The following STRAP variants were observed in gnomAD, a reference collection of about 807,000 sequenced individuals.
The protein encoded by STRAP is serine-threonine kinase receptor-associated protein.
Under a neutral mutation model 47.0 loss-of-function variants are expected in STRAP, and 16 were observed. That is an observed-to-expected ratio of 0.34 (90% CI 0.23 to 0.52). The LOEUF (loss-of-function observed/expected upper bound fraction) is 0.52. Among genes scored for constraint, STRAP ranks in the 20% least tolerant of loss-of-function variants. The pLI is 0.96. For synonymous variants in STRAP, 130 were observed against 142.7 expected, an observed-to-expected ratio of 0.91 and a Z score of 0.63; for missense variants, 293 against 420.0, an observed-to-expected ratio of 0.70 and a Z score of 2.64.
rs764293670 is a variant in STRAP at position 15,890,692 on chromosome 12, C to G, written c.403+23C>G. 1 of 1,551,320 alleles carries G rather than the reference C, an allele frequency of 6.4e-7. No homozygotes were observed. Among genetic ancestry groups the G allele is most frequent in the East Asian group, 2.3e-5 (1 of 44,204 alleles). On this transcript the variant is annotated intron_variant, in intron 4 of 9. Coordinates refer to ENST00000419869, the MANE Select transcript of STRAP (RefSeq NM_007178.4). This position sits in a 1 kb window ranked among gnomAD's most constrained non-coding sequence, Gnocchi z 4.5. ...CAGGTAAGCATAATTTAAACATCAGCTTCTAGTTTTATTTTCTTTTAATTT... is the reference window on the plus strand; with the variant it reads ...CAGGTAAGCATAATTTAAACATCAGGTTCTAGTTTTATTTTCTTTTAATTT...
At chr12:15,898,694 C>T (rs891211494) in intron 7 of STRAP, among the ~76,000 whole-genome samples, 1 of 152,110 alleles carries the variant, frequency 6.6e-6, no homozygotes, top group Non-Finnish European at 1.5e-5. Flanking sequence ...ATGTGGTTCT[C>T]AGTATCTACT....
chr12:15,895,664 A>G (rs961394404), intron 6 of STRAP, among the ~76,000 whole-genome samples, 168 bp downstream of exon 6: 2 of 151,500 alleles, frequency 1.3e-5, no homozygotes, highest in African/African-American at 4.8e-5. Context: ...ATGGCTTGAG[A>G]TCAGCCTGGG....
intron 6 of STRAP, among the ~76,000 whole-genome samples, chr12:15,897,522 G>A (rs879771095): frequency 2.0e-5 from 3 of 151,988 alleles, no homozygotes; most frequent in Admixed American, 6.6e-5. Context: ...GATAATATGT[G>A]GTTGTAGAAA....
chr12:15,898,551 AT>A (rs1261915060), intron 7 of STRAP, among the ~76,000 whole-genome samples: 2 of 152,054 alleles, frequency 1.3e-5, no homozygotes, highest in Non-Finnish European at 2.9e-5. Flanking sequence ...CTTTTTATTT[AT>A]TCTGTTTTGG....
At chr12:15,893,398 TTAA>T (rs1448801227) in intron 4 of STRAP, among the ~76,000 whole-genome samples, 9 of 148,066 alleles carry the variant, frequency 6.1e-5, no homozygotes, top group Non-Finnish European at 1.3e-4. Flanking sequence ...AATTATTTTA[TTAA>T]TAATATAATA....
chr12:15,883,674 A>T lies in STRAP; in HGVS notation c.246A>T (p.Thr82=). ...TKAATAAADF[T]AKVWDAVSGD... ...CAGCTACAGCAGCTGCAGATTTCACAGCGTAAGTGTAGCCAAGATGGCTAA... is the reference window on the plus strand; with the variant it reads ...CAGCTACAGCAGCTGCAGATTTCACTGCGTAAGTGTAGCCAAGATGGCTAA... The change falls in exon 2 of 10, where the codon ACA becomes ACT. Residue 82 remains threonine, a splice_region_variant and synonymous_variant. Coordinates refer to ENST00000419869, the MANE Select transcript of STRAP (RefSeq NM_007178.4). 1 of 1,614,090 alleles carries T rather than the reference A, an allele frequency of 6.2e-7. No individual in the cohort carries two copies. Among genetic ancestry groups the T allele is most frequent in the Non-Finnish European group, 8.5e-7 (1 of 1,179,998 alleles).
At chr12:15,889,396 G>A (rs998807752) in intron 2 of STRAP, among the ~76,000 whole-genome samples, 3 of 151,912 alleles carry the variant, frequency 2.0e-5, no homozygotes, top group South Asian at 2.1e-4. Flanking sequence ...GAGATGAAGT[G>A]GACATTGTCT....
intron 2 of STRAP, among the ~76,000 whole-genome samples, chr12:15,888,639 C>A (rs1266249083): frequency 6.6e-6 from 1 of 152,074 alleles, no homozygotes; most frequent in Non-Finnish European, 1.5e-5. Context: ...TCTTTTTCCC[C>A]TGATATATTT....
rs1200800546 is a variant in STRAP at position 15,890,975 on chromosome 12, G to A, written c.403+306G>A. Among the ~76,000 whole-genome samples the A allele has an allele frequency of 4.6e-5, 7 of 151,986 alleles. No individual in the cohort carries two copies. Among genetic ancestry groups the A allele is most frequent in the Admixed American group, 3.3e-4 (5 of 15,286 alleles). The stretch of plus-strand genomic sequence containing the variant: ...CTTGGGAGGCTGAGGCAGGAGAATC[G>A]CTTGAACCCGGGAGGTGGAGGTTGC... On this transcript the variant is annotated intron_variant, in intron 4 of 9. Transcript: ENST00000419869. This position sits in a 1 kb window ranked among gnomAD's most constrained non-coding sequence, Gnocchi z 4.5.
At chr12:15,889,802 A>G in intron 2 of STRAP, 126 bp from the exon 3 acceptor site, 1 of 662,474 alleles carries the variant, frequency 1.5e-6, no homozygotes, top group Non-Finnish European at 2.6e-6. Context: ...AAGGAGATTT[A>G]TAATACATTT....
Position 15,882,670 on chromosome 12 carries a change from C to T in STRAP, c.-38C>T, listed in dbSNP as rs1947931804. On this transcript the variant is annotated 5_prime_UTR_variant, in exon 1 of 10. Transcript: ENST00000419869. ...GAAGAGAGAAAAGACAACGACGACC[C>T]TCAGCTCGCCAGTCCGGTCGCTGGC... The T allele has an allele frequency of 6.4e-7, 1 of 1,561,668 alleles. No individual in the cohort carries two copies. Among genetic ancestry groups the T allele is most frequent in the South Asian group, 1.1e-5 (1 of 88,080 alleles).
chr12:15,883,810 C>A, intron 2 of STRAP, 134 bp downstream of exon 2: 2 of 1,235,690 alleles, frequency 1.6e-6, no homozygotes, highest in Non-Finnish European at 2.2e-6. Flanking sequence ...TTGATCCCAC[C>A]AAAATTCCAT....
rs551450220 is a variant in STRAP, at chr12:15,890,147, TTTGA to T, written c.330+142_330+145del. On this transcript the variant is annotated intron_variant, in intron 3 of 9. Transcript: ENST00000419869. This position sits in a 1 kb window ranked among gnomAD's most constrained non-coding sequence, Gnocchi z 4.5. ...TTGTTATTTCTTGGTTCATATTTGA[TTTGA>T]TTGTGTATTAAGCTCTATGAATTTG... 174 of 831,332 alleles carry T rather than the reference TTTGA, an allele frequency of 2.1e-4. No homozygotes were observed. The African/African-American group carries it at 2.4e-3, about 11-fold the overall frequency. The allele number at this position is 831,332 out of a possible 1,614,324, so 51.5% of individuals were successfully genotyped here. A position where few individuals can be genotyped will look rare whatever the true frequency, so the allele number is the denominator to read the frequency against.
In STRAP at chr12:15,894,183, G is replaced by T. The variant is rs1275054186; in HGVS notation, c.500+40G>T. The T allele has an allele frequency of 6.5e-7, 1 of 1,527,614 alleles. No homozygotes were observed. Among genetic ancestry groups the T allele is most frequent in the South Asian group, 1.1e-5 (1 of 89,062 alleles). 94.6% of individuals were successfully genotyped at this position (1,527,614 alleles called of 1,614,324 possible). ...TTTAATAATTTACAATTTAAGGCCGGGCATGGTGGCTCACGCCTATAATCT... is the reference window on the plus strand; with the variant it reads ...TTTAATAATTTACAATTTAAGGCCGTGCATGGTGGCTCACGCCTATAATCT... On this transcript the variant is annotated intron_variant, in intron 5 of 9. Coordinates refer to ENST00000419869, the MANE Select transcript of STRAP (RefSeq NM_007178.4). This position sits in a 1 kb window ranked among gnomAD's most constrained non-coding sequence, Gnocchi z 4.9.
At chr12:15,888,787 C>T (rs1463316164) in intron 2 of STRAP, among the ~76,000 whole-genome samples, 5 of 152,026 alleles carry the variant, frequency 3.3e-5, no homozygotes, top group South Asian at 2.1e-4. Context: ...GCATGTTTTT[C>T]TCCTCAGCTA....
In STRAP at chr12:15,902,988, A is replaced by C; in HGVS notation, c.*10A>C. On this transcript the variant is annotated 3_prime_UTR_variant, in exon 10 of 10. Transcript: ENST00000419869. ...TGATGTTAAGGCCTGAGCGTCAATC[A>C]TATGTGCAGTTAGTATACAACTGAC... 1 of 1,412,012 alleles carries C rather than the reference A, an allele frequency of 7.1e-7. No homozygotes were observed. 87.5% of individuals were successfully genotyped at this position (1,412,012 alleles called of 1,614,324 possible). A position where few individuals can be genotyped will look rare whatever the true frequency, so the allele number is the denominator to read the frequency against.
intron 8 of STRAP, 116 bp from the exon 9 acceptor site, chr12:15,900,831 T>C (rs1397509454): frequency 2.9e-6 from 2 of 689,396 alleles, no homozygotes; most frequent in Non-Finnish European, 4.2e-6. Flanking sequence ...TTGTTTTTAT[T>C]ATATTTTGTA....
chr12:15,887,245 T>C lies in STRAP; in HGVS notation c.249-2683T>C, dbSNP rs1460016207. On this transcript the variant is annotated intron_variant, in intron 2 of 9. Coordinates refer to ENST00000419869, the MANE Select transcript of STRAP (RefSeq NM_007178.4). The surrounding 1 kb of genome is among the most constrained non-coding windows in gnomAD (Gnocchi z 5.5). ...TAAGTAAGTTAAGCAGCTCCTATTA[T>C]GAGACTTACGGTAAGTTCATTCTGA... Among the ~76,000 whole-genome samples the C allele has an allele frequency of 2.6e-5, 4 of 152,218 alleles. No individual in the cohort carries two copies. The highest frequency in any genetic ancestry group is 9.7e-5 in the African/African-American group (4 of 41,446).
chr12:15,886,638 A>AGCGTGTTTTCATGT (rs1358957816), intron 2 of STRAP, among the ~76,000 whole-genome samples: 1 of 152,010 alleles, frequency 6.6e-6, no homozygotes, highest in Non-Finnish European at 1.5e-5. Context: ...GGGGTGTAGG[A>AGCGTGTTTTCATGT]GCGTGTTTTC....
Sources: gnomAD v4.1 joint callset for allele counts (sites outside exome capture counted in the v4.1 genomes callset) on GRCh38, gnomAD v4.1.1 for gene constraint, Gnocchi (gnomAD v3.1) non-coding constraint, MANE v1.5 for transcripts, NCBI Gene and HGNC (gene_info 2026-07-23, HGNC 2026-07-21) for gene names.